SLC15A1: variants seen among roughly 807,000 people sequenced by gnomAD.
SLC15A1 encodes solute carrier family 15 member 1.
In SLC15A1, 83 loss-of-function variants were observed where a neutral mutation model predicts 92.9. The observed-to-expected ratio is 0.89, with a 90% CI of 0.75 to 1.07. The LOEUF (loss-of-function observed/expected upper bound fraction) is 1.07, where lower values mean the gene tolerates loss of function less well. SLC15A1 is among the 50% of genes least tolerant of loss of function. SLC15A1 has a pLI of 0.00. For synonymous variants in SLC15A1, 322 were observed against 318.2 expected (o/e 1.01, Z -0.13); for missense variants, 857 against 880.1 (o/e 0.97, Z 0.33).
Position 98,692,136 on chromosome 13 carries a change from C to CTT in SLC15A1, c.1467-3561_1467-3560dup, listed in dbSNP as rs528865683. On this transcript the variant is annotated intron_variant, in intron 18 of 22. Transcript: ENST00000376503. ...AGGAGTCCCCCTCTCTTCTCCTAAA[C>CTT]TTTTTTTTTTTTTTTTTTTTTTTTT... Among the ~76,000 whole-genome samples the CTT allele has an allele frequency of 9.7e-3, 654 of 67,598 alleles. 41 individuals are homozygous for CTT. Among genetic ancestry groups the CTT allele is most frequent in the East Asian group, 0.017 (38 of 2,276 alleles). 44.3% of individuals were successfully genotyped at this position (67,598 alleles called of 152,430 possible). A position where few individuals can be genotyped will look rare whatever the true frequency, so the allele number is the denominator to read the frequency against.
At chr13:98,692,978 C>G (rs548376814) in intron 18 of SLC15A1, among the ~76,000 whole-genome samples, 1 of 151,932 alleles carries the variant, frequency 6.6e-6, no homozygotes. Context: ...GGTTCAAGCA[C>G]TCAGCCCACC....
At chr13:98,721,619 G>A (rs771122448) in intron 6 of SLC15A1, 34 bp from the exon 7 acceptor site, 2 of 1,486,456 alleles carry the variant, frequency 1.3e-6, no homozygotes, top group East Asian at 2.3e-5. Flanking sequence ...GATGACTTTG[G>A]CTATCAATCC....
intron 1 of SLC15A1, among the ~76,000 whole-genome samples, chr13:98,736,022 C>T (rs2139604622): frequency 6.6e-6 from 1 of 152,292 alleles, no homozygotes. Flanking sequence ...AAAAAAGAGC[C>T]CTCTTTGCCA....
chr13:98,744,610 G>A lies in SLC15A1; in HGVS notation c.4+7985C>T, dbSNP rs150379604. Among the ~76,000 whole-genome samples the A allele has an allele frequency of 5.5e-3, 832 of 151,534 alleles. 3 individuals carry two copies. The highest frequency in any genetic ancestry group is 8.6e-3 in the Non-Finnish European group (586 of 67,768). On this transcript the variant is annotated intron_variant, in intron 1 of 22. Coordinates refer to ENST00000376503, the MANE Select transcript of SLC15A1 (RefSeq NM_005073.4). ...CACAAGATACAAAAATTAGCCGGGC[G>A]TGGTGGCATGTGCCTGTAATCCCAG...
rs111292760 is a variant in SLC15A1 at position 98,687,840 on chromosome 13, G to A, written c.1684-116C>T. ...TTACATCATATGATTTGTCAAGTAC[G>A]TACACATTTTAAACATAAGGCAACA... On this transcript the variant is annotated intron_variant, in intron 20 of 22. Transcript: ENST00000376503. 3.1e-4 allele frequency: 377 copies of A among 1,228,848 alleles called. 1 individual carries two copies. The African/African-American group carries it at 4.9e-3, about 16-fold the overall frequency. 76.1% of individuals were successfully genotyped at this position (1,228,848 alleles called of 1,614,324 possible).
chr13:98,719,393 C>G, intron 7 of SLC15A1, 73 bp from the exon 8 acceptor site: 1 of 1,072,598 alleles, frequency 9.3e-7, no homozygotes, highest in Non-Finnish European at 1.4e-6. Flanking sequence ...TGTAAAGATC[C>G]CTCACTGATA....
intron 1 of SLC15A1, among the ~76,000 whole-genome samples, chr13:98,731,090 C>A (rs147162293): frequency 6.6e-6 from 1 of 152,226 alleles, no homozygotes; most frequent in Non-Finnish European, 1.5e-5. Flanking sequence ...GTAGCGGTTC[C>A]TTCCCCTCAT....
intron 5 of SLC15A1, among the ~76,000 whole-genome samples, chr13:98,722,221 T>C (rs948149219): frequency 6.6e-6 from 1 of 152,206 alleles, no homozygotes; most frequent in Admixed American, 6.5e-5. Context: ...ATAAATGAAA[T>C]GTTATTGAAC....
At chr13:98,717,911 T>G (rs997120896) in intron 8 of SLC15A1, among the ~76,000 whole-genome samples, 3 of 152,148 alleles carry the variant, frequency 2.0e-5, no homozygotes, top group African/African-American at 7.2e-5. Flanking sequence ...TTGGCCACCT[T>G]TCACATCCAA....
chr13:98,704,440 A>G lies in SLC15A1; in HGVS notation c.1270-5T>C. 1 of 1,611,028 alleles carries G rather than the reference A, an allele frequency of 6.2e-7. No homozygotes were observed. The highest frequency in any genetic ancestry group is 1.1e-5 in the South Asian group (1 of 90,566). ...AAAAGTCATAAATGCATTTGTCTAT[A>G]GAGGGAGGGAAAGAGGCATAGTTAA... On this transcript the variant is annotated splice_polypyrimidine_tract_variant and splice_region_variant and intron_variant, in intron 16 of 22. Transcript: ENST00000376503.
chr13:98,740,862 G>C (rs1040904766), intron 1 of SLC15A1, among the ~76,000 whole-genome samples: 1 of 152,138 alleles, frequency 6.6e-6, no homozygotes, highest in Non-Finnish European at 1.5e-5. Context: ...AACTTTGATC[G>C]AGCAATGAAA....
intron 7 of SLC15A1, among the ~76,000 whole-genome samples, chr13:98,720,111 G>A (rs139460132): frequency 1.2e-4 from 18 of 152,260 alleles, no homozygotes; most frequent in East Asian, 1.9e-4. Flanking sequence ...CTCACAATTC[G>A]GGAGAGAAAG....
rs144507873 is a variant in SLC15A1, at chr13:98,735,134, T to C, written c.5-8275A>G. On this transcript the variant is annotated intron_variant, in intron 1 of 22. Transcript: ENST00000376503. ...ATCCAGCAGCACATCAAAAAGCTTA[T>C]CCACCATGATCAAGTTGGCTTCATC... Among the ~76,000 whole-genome samples the C allele has an allele frequency of 7.7e-3, 1,180 of 152,296 alleles. 14 individuals are homozygous for C. The highest frequency in any genetic ancestry group is 0.027 in the African/African-American group (1,117 of 41,552).
At position 98,721,589 on chromosome 13, in the gene SLC15A1, C is replaced by A. The variant is rs1291708307; in HGVS notation, c.466-4G>T. On this transcript the variant is annotated splice_region_variant and splice_polypyrimidine_tract_variant and intron_variant, in intron 6 of 22. Coordinates refer to ENST00000376503, the MANE Select transcript of SLC15A1 (RefSeq NM_005073.4). ...AAAATCTGTTTCTTTGTTTCTCCTG[C>A]AATGAAAAGGAGAAAGTAAGATGAC... is the stretch of plus-strand genomic sequence containing the variant. 1.3e-6 allele frequency: 2 copies of A among 1,586,960 alleles called. No individual in the cohort carries two copies. The highest frequency in any genetic ancestry group is 1.7e-6 in the Non-Finnish European group (2 of 1,161,522).
intron 15 of SLC15A1, 49 bp downstream of exon 15, chr13:98,708,637 C>A: frequency 6.7e-7 from 1 of 1,497,126 alleles, no homozygotes; most frequent in Non-Finnish European, 9.2e-7. Flanking sequence ...CTGAACGCTC[C>A]ACCTAAATCC....
intron 1 of SLC15A1, among the ~76,000 whole-genome samples, chr13:98,728,167 G>A (rs2088318193): frequency 6.6e-6 from 1 of 152,126 alleles, no homozygotes; most frequent in South Asian, 2.1e-4. Context: ...AAAATGAGTT[G>A]GCTATAAATG....
In SLC15A1 at chr13:98,704,333, G is replaced by C. The variant is rs755854257; in HGVS notation, c.1372C>G (p.Gln458Glu). The change falls in exon 17 of 23, where the codon CAA becomes GAA. Residue 458 changes from glutamine (Q) to glutamate (E), a missense_variant. Transcript: ENST00000376503. Reference sequence around the variant, plus strand: ...GCCCACACTAGAAGCGTGTGGCGTTGGCCCTGCTTGAAGTCGTCAGTTACA... The same window carrying C: ...GCCCACACTAGAAGCGTGTGGCGTTCGCCCTGCTTGAAGTCGTCAGTTACA... ...TAVTDDFKQG[Q>E]RHTLLVWAPN... 1.2e-6 allele frequency: 2 copies of C among 1,613,882 alleles called. No individual in the cohort carries two copies. Among genetic ancestry groups the C allele is most frequent in the South Asian group, 2.2e-5 (2 of 91,034 alleles).
chr13:98,728,344 G>A (rs1187437015), intron 1 of SLC15A1, among the ~76,000 whole-genome samples: 3 of 152,078 alleles, frequency 2.0e-5, no homozygotes, highest in Non-Finnish European at 4.4e-5. Flanking sequence ...TTTTGTTGTT[G>A]TATATGAATT....
intron 9 of SLC15A1, 50 bp from the exon 10 acceptor site, chr13:98,712,634 T>G: frequency 7.4e-7 from 1 of 1,355,620 alleles, no homozygotes; most frequent in Non-Finnish European, 1.0e-6. Flanking sequence ...AACAACTTTG[T>G]CAGGGAAGCA....
Sources: gnomAD v4.1 joint callset for allele counts (sites outside exome capture counted in the v4.1 genomes callset) on GRCh38, gnomAD v4.1.1 for gene constraint, MANE v1.5 for transcripts, NCBI Gene and HGNC (gene_info 2026-07-23, HGNC 2026-07-21) for gene names.